The following FGD3 variants were observed in gnomAD, a reference collection of about 807,000 sequenced individuals.
FGD3 encodes FYVE, RhoGEF and PH domain-containing protein 3.
FGD3 carries 45 observed loss-of-function variants against 71.8 expected under a neutral mutation model. That is an observed-to-expected ratio of 0.63 (90% CI 0.49 to 0.80). The LOEUF (loss-of-function observed/expected upper bound fraction) is 0.80. Among genes scored for constraint, FGD3 ranks in the 30% least tolerant of loss-of-function variants. The probability of loss-of-function intolerance (pLI) is 0.00; values close to 1 mark genes in which losing one functional copy is unlikely to be tolerated. For missense variants in FGD3, 844 were observed against 951.5 expected, an observed-to-expected ratio of 0.89 and a Z score of 1.49; for synonymous variants, 378 against 392.8, an observed-to-expected ratio of 0.96 and a Z score of 0.44.
intron 8 of FGD3, 38 bp from the exon 9 acceptor site, chr9:93,013,814 C>A: frequency 2.5e-6 from 4 of 1,610,120 alleles, no homozygotes; most frequent in Non-Finnish European, 3.4e-6. Flanking sequence ...CAGCCACTCT[C>A]ACAGACCTTT....
At chr9:93,019,722 G>A (rs961377436) in intron 11 of FGD3, 109 bp from the exon 12 acceptor site, 33 of 1,069,604 alleles carry the variant, frequency 3.1e-5, no homozygotes, top group East Asian at 1.5e-4. Flanking sequence ...CTTGAGCTGC[G>A]TTGACAAGCC....
chr9:93,031,504 G>A (rs1336927022), intron 15 of FGD3, among the ~76,000 whole-genome samples: 2 of 152,156 alleles, frequency 1.3e-5, no homozygotes, highest in African/African-American at 4.8e-5. Context: ...TCATTGCCTT[G>A]GTTTGCCCGG....
At chr9:92,976,164 C>T in intron 2 of FGD3, 44 bp from the exon 3 acceptor site, 1 of 1,234,028 alleles carries the variant, frequency 8.1e-7, no homozygotes, top group Non-Finnish European at 1.1e-6. Flanking sequence ...GGGTGCTGGT[C>T]CATGCCTGGC....
chr9:93,013,644 A>G (rs1272424870), intron 8 of FGD3, among the ~76,000 whole-genome samples: 2 of 152,166 alleles, frequency 1.3e-5, no homozygotes, highest in Non-Finnish European at 2.9e-5. Flanking sequence ...GTTCCTGTTT[A>G]TCGTTGTTTT....
chr9:93,010,144 C>A, intron 6 of FGD3, 102 bp from the exon 7 acceptor site: 1 of 1,426,226 alleles, frequency 7.0e-7, no homozygotes, highest in Non-Finnish European at 9.5e-7. Flanking sequence ...TCTGGGCAGC[C>A]AGTTCCGGGC....
chr9:93,016,074 T>C (rs1191989073), intron 10 of FGD3, among the ~76,000 whole-genome samples: 1 of 152,152 alleles, frequency 6.6e-6, no homozygotes, highest in Non-Finnish European at 1.5e-5. Context: ...AACTCCCCTT[T>C]CTGCAGAGCC....
intron 15 of FGD3, among the ~76,000 whole-genome samples, chr9:93,030,731 A>G (rs1440808389): frequency 1.4e-5 from 2 of 146,680 alleles, no homozygotes; most frequent in African/African-American, 2.5e-5. Flanking sequence ...GGGGGGGGGA[A>G]TAAGTAGATG....
chr9:93,019,218 T>A (rs1207068710), intron 11 of FGD3, among the ~76,000 whole-genome samples: 1 of 152,212 alleles, frequency 6.6e-6, no homozygotes, highest in Non-Finnish European at 1.5e-5. Flanking sequence ...GTTTACTGTA[T>A]AACCTGTCCT....
chr9:92,991,064 GATTT>G (rs963121279), intron 3 of FGD3, among the ~76,000 whole-genome samples: 3 of 150,168 alleles, frequency 2.0e-5, no homozygotes, highest in Admixed American at 6.6e-5. Context: ...TTTGTTTGGA[GATTT>G]GTTTGTTTGT....
At chr9:93,022,266 G>C (rs757875781) in intron 13 of FGD3, 61 bp from the exon 14 acceptor site, 48 of 1,544,104 alleles carry the variant, frequency 3.1e-5, no homozygotes, top group African/African-American at 4.1e-5. Flanking sequence ...CTGTCCCCCC[G>C]CTGCACAGTG....
At chr9:92,990,995 A>G (rs1259494916) in intron 3 of FGD3, among the ~76,000 whole-genome samples, 1 of 152,146 alleles carries the variant, frequency 6.6e-6, no homozygotes, top group Non-Finnish European at 1.5e-5. Context: ...AATTGGTATC[A>G]ATTGTTCTTT....
intron 1 of FGD3, among the ~76,000 whole-genome samples, chr9:92,972,206 T>C (rs1859562714): frequency 6.6e-6 from 1 of 151,876 alleles, no homozygotes; most frequent in Non-Finnish European, 1.5e-5. Context: ...CCCAGCACTT[T>C]GGGAGGCTGA....
At chr9:92,956,376 A>C (rs1859050929) in intron 1 of FGD3, among the ~76,000 whole-genome samples, 1 of 152,164 alleles carries the variant, frequency 6.6e-6, no homozygotes, top group Admixed American at 6.5e-5. Context: ...ATACATGTTG[A>C]AGCCCTAATC....
intron 3 of FGD3, among the ~76,000 whole-genome samples, chr9:92,980,113 T>G (rs1859930308): frequency 6.6e-6 from 1 of 151,938 alleles, no homozygotes; most frequent in East Asian, 1.9e-4. Context: ...CTCCACCTCC[T>G]GGGTTCAAGC....
intron 8 of FGD3, 139 bp downstream of exon 8, chr9:93,011,411 TC>T: frequency 3.9e-6 from 4 of 1,013,772 alleles, no homozygotes; most frequent in Non-Finnish European, 6.0e-6. Flanking sequence ...TCCACCCCCA[TC>T]CCCAGGGGGG....
intron 3 of FGD3, among the ~76,000 whole-genome samples, chr9:92,984,595 G>C (rs2118618523): frequency 6.6e-6 from 1 of 152,264 alleles, no homozygotes; most frequent in Middle Eastern, 3.4e-3. Context: ...CCAGGTTAAA[G>C]TTATTGGTTA....
At chr9:92,973,106 ATTTTTTTTTT>A (rs59046376) in intron 1 of FGD3, among the ~76,000 whole-genome samples, 17 of 87,148 alleles carry the variant, frequency 2.0e-4, no homozygotes, top group African/African-American at 6.2e-4. Context: ...ATGCCTGGTA[ATTTTTTTTTT>A]TTTTTTTTTT....
intron 14 of FGD3, among the ~76,000 whole-genome samples, chr9:93,028,216 A>ACG (rs1554740233): frequency 1.4e-4 from 18 of 127,548 alleles, no homozygotes; most frequent in Middle Eastern, 4.2e-3. Context: ...ACACACACAC[A>ACG]CGCACACACA....
intron 3 of FGD3, among the ~76,000 whole-genome samples, chr9:92,981,017 CAT>C (rs1341682543): frequency 6.6e-6 from 1 of 151,232 alleles, no homozygotes; most frequent in Non-Finnish European, 1.5e-5. Flanking sequence ...TTAATTTGCA[CAT>C]GTCTGTGGAT....
Sources: gnomAD v4.1 joint callset for allele counts (sites outside exome capture counted in the v4.1 genomes callset) on GRCh38, gnomAD v4.1.1 for gene constraint, MANE v1.5 for transcripts, NCBI Gene and HGNC (gene_info 2026-07-23, HGNC 2026-07-21) for gene names.